Variants in AIF1L observed in about 807,000 individuals in gnomAD.
The protein encoded by AIF1L is allograft inflammatory factor 1-like.
A neutral mutation model predicts 20.7 loss-of-function variants in AIF1L; 12 were observed. The ratio of observed to expected loss-of-function variants is 0.58; its 90% CI spans 0.37 to 0.94. AIF1L has a LOEUF of 0.94. AIF1L is among the 40% of genes least tolerant of loss of function. The pLI is 0.01. For missense variants in AIF1L, 173 were observed against 185.3 expected, an observed-to-expected ratio of 0.93 and a Z score of 0.39; for synonymous variants, 76 against 65.1, an observed-to-expected ratio of 1.17 and a Z score of -0.81.
rs192564836 is a variant in AIF1L, at chr9:131,102,904, C to T, written c.93+6041C>T. On this transcript the variant is annotated intron_variant, in intron 2 of 5. Coordinates refer to ENST00000247291, the MANE Select transcript of AIF1L (RefSeq NM_031426.4). The stretch of plus-strand genomic sequence containing the variant: ...GGATGGCCTCCAAGATGGTGATATC[C>T]GCCCACCCCAAAATTCTGCTGCAGC... 3.0e-3 allele frequency: 1,348 copies of T among 456,302 alleles called. 23 individuals are homozygous for T. Among genetic ancestry groups the T allele is most frequent in the South Asian group, 0.02 (1,284 of 64,570 alleles). The allele number at this position is 456,302 out of a possible 1,614,324, so 28.3% of individuals were successfully genotyped here.
intron 3 of AIF1L, chr9:131,114,194 C>T (rs1830956966): frequency 4.3e-6 from 1 of 233,824 alleles, no homozygotes; most frequent in Non-Finnish European, 8.7e-6. Flanking sequence ...CATGCCTGCC[C>T]CCACCCTGTC....
Position 131,096,560 on chromosome 9 carries a change from C to G in AIF1L, c.-70C>G. ...GCAGCTAGCCGGAGCCCGGACCAGG[C>G]GCCTGTGCCTCCTCCTCGTCCCTCG... is the stretch of plus-strand genomic sequence containing the variant. On this transcript the variant is annotated 5_prime_UTR_variant, in exon 1 of 6. Transcript: ENST00000247291. The G allele has an allele frequency of 6.8e-7, 1 of 1,470,148 alleles. No individual in the cohort carries two copies. Among genetic ancestry groups the G allele is most frequent in the South Asian group, 1.3e-5 (1 of 77,990 alleles). 91.1% of individuals were successfully genotyped at this position (1,470,148 alleles called of 1,614,324 possible).
rs561669317 is a variant in AIF1L, at chr9:131,096,869, C to T, written c.93+6C>T. The T allele has an allele frequency of 6.5e-7, 1 of 1,532,896 alleles. No individual in the cohort carries two copies. The highest frequency in any genetic ancestry group is 8.8e-7 in the Non-Finnish European group (1 of 1,141,382). The allele number at this position is 1,532,896 out of a possible 1,614,324, so 95.0% of individuals were successfully genotyped here. ...GGCTGGCCGAGATCAACCGGGTAAGCCCCGCGCCCAGGGCAGCACGCGAGT... is the reference window on the plus strand; with the variant it reads ...GGCTGGCCGAGATCAACCGGGTAAGTCCCGCGCCCAGGGCAGCACGCGAGT... On this transcript the variant is annotated splice_donor_region_variant and intron_variant, in intron 2 of 5. Transcript: ENST00000247291.
intron 2 of AIF1L, chr9:131,102,815 A>G (rs752443556): frequency 2.2e-5 from 10 of 448,118 alleles, no homozygotes; most frequent in African/African-American, 8.0e-5. Flanking sequence ...CAGAGGTCCT[A>G]CGCCCCGGCA....
chr9:131,114,428 T>G, intron 3 of AIF1L, 149 bp from the exon 4 acceptor site: 1 of 798,256 alleles, frequency 1.3e-6, no homozygotes, highest in Non-Finnish European at 2.1e-6. Context: ...GCTCAGCGGA[T>G]GGGGGACTCA....
chr9:131,119,160 G>A (rs1349604571), intron 5 of AIF1L, among the ~76,000 whole-genome samples: 7 of 65,458 alleles, frequency 1.1e-4, no homozygotes, highest in East Asian at 4.9e-4. Flanking sequence ...ATTGAAGAGC[G>A]TTACAGCATT....
Position 131,120,519 on chromosome 9 carries a change from G to A in AIF1L, c.*197G>A, listed in dbSNP as rs1831112933. ...TGGGTCGGGGAATCCTGAGCCTTGG[G>A]TCCCCTCCCTCTCTTCTTCCCTCCT... On this transcript the variant is annotated 3_prime_UTR_variant, in exon 6 of 6. Coordinates refer to ENST00000247291, the MANE Select transcript of AIF1L (RefSeq NM_031426.4). 3 of 523,646 alleles carry A rather than the reference G, an allele frequency of 5.7e-6. No homozygotes were observed. In the African/African-American group the frequency reaches 5.9e-5, roughly 10 times the overall value. The allele number at this position is 523,646 out of a possible 1,614,324, so 32.4% of individuals were successfully genotyped here.
At chr9:131,118,249 T>A (rs571958046) in intron 5 of AIF1L, among the ~76,000 whole-genome samples, 3 of 151,746 alleles carry the variant, frequency 2.0e-5, no homozygotes, top group African/African-American at 4.8e-5. Flanking sequence ...TGCACCACTA[T>A]GCTTGGCTAA....
At chr9:131,116,452 C>G (rs186817718) in intron 4 of AIF1L, among the ~76,000 whole-genome samples, 1 of 152,054 alleles carries the variant, frequency 6.6e-6, no homozygotes, top group Non-Finnish European at 1.5e-5. Flanking sequence ...TTAGTAGAGA[C>G]GAGGTTTCAC....
At chr9:131,111,202 G>C (rs1052253648) in intron 2 of AIF1L, among the ~76,000 whole-genome samples, 2 of 150,004 alleles carry the variant, frequency 1.3e-5, no homozygotes, top group Admixed American at 1.3e-4. Context: ...GTGCACGGAG[G>C]AATGAATGAG....
intron 2 of AIF1L, chr9:131,106,321 A>G (rs1830747457): frequency 7.9e-7 from 1 of 1,263,794 alleles, no homozygotes; most frequent in Admixed American, 2.0e-5. Context: ...ATGTTTATTG[A>G]GCGTCTGCTA....
chr9:131,117,687 CT>C, intron 4 of AIF1L, 68 bp from the exon 5 acceptor site: 1 of 1,497,410 alleles, frequency 6.7e-7, no homozygotes, highest in Non-Finnish European at 8.9e-7. Context: ...CTGAGTGGAG[CT>C]TTCCCAGCTT....
intron 4 of AIF1L, among the ~76,000 whole-genome samples, chr9:131,117,110 G>A (rs1174350253): frequency 6.6e-6 from 1 of 152,156 alleles, no homozygotes; most frequent in Non-Finnish European, 1.5e-5. Flanking sequence ...TGACATTCTG[G>A]GGCCTCCCTT....
At chr9:131,100,141 C>G (rs7861588) in intron 2 of AIF1L, among the ~76,000 whole-genome samples, 2,540 of 152,172 alleles carry the variant, frequency 0.017, 80 homozygotes, top group African/African-American at 0.059. Context: ...CTCCCCAGCT[C>G]AAGCAATCTT....
chr9:131,111,510 G>GTGC, intron 2 of AIF1L, 87 bp from the exon 3 acceptor site: 1 of 1,250,368 alleles, frequency 8.0e-7, no homozygotes, highest in South Asian at 1.2e-5. Flanking sequence ...TTACCCGATA[G>GTGC]GAGGGAAGGC....
chr9:131,114,662 G>A, intron 4 of AIF1L, 44 bp downstream of exon 4: 1 of 1,611,646 alleles, frequency 6.2e-7, no homozygotes. Context: ...GGTGTTAAGT[G>A]GGTAGAGGGC....
At chr9:131,096,941 G>T (rs1830542676) in intron 2 of AIF1L, 78 bp downstream of exon 2, 4 of 1,416,780 alleles carry the variant, frequency 2.8e-6, no homozygotes, top group Admixed American at 2.9e-5. Flanking sequence ...CCGCGAGGCC[G>T]TGCCCGCCTC....
At chr9:131,114,811 T>TA (rs2133400151) in intron 4 of AIF1L, among the ~76,000 whole-genome samples, 193 bp downstream of exon 4, 1 of 152,152 alleles carries the variant, frequency 6.6e-6, no homozygotes, top group African/African-American at 2.4e-5. Flanking sequence ...TTTGATCCCC[T>TA]ACTGCTTCCC....
rs1564168519 is a variant in AIF1L, at chr9:131,114,771, G to A, written c.202+153G>A. Among the ~76,000 whole-genome samples the A allele has an allele frequency of 3.9e-5, 6 of 152,180 alleles. No individual in the cohort carries two copies. In the South Asian group the frequency reaches 1.0e-3, roughly 26 times the overall value. On this transcript the variant is annotated intron_variant, in intron 4 of 5. Coordinates refer to ENST00000247291, the MANE Select transcript of AIF1L (RefSeq NM_031426.4). Reference sequence around the variant, plus strand: ...CCCCAGCCCCTTGCCTTCTGCCCTGGCACCACTGCCCTCAGACTCCTCCAG... The same window carrying A: ...CCCCAGCCCCTTGCCTTCTGCCCTGACACCACTGCCCTCAGACTCCTCCAG...
Sources: allele counts gnomAD v4.1 joint callset (sites outside exome capture counted in the v4.1 genomes callset), GRCh38; gene constraint gnomAD v4.1.1; transcripts MANE v1.5; gene names NCBI Gene and HGNC (gene_info 2026-07-23, HGNC 2026-07-21).